Variants in DYM observed in about 807,000 individuals in gnomAD.
DYM encodes the protein dyggve-Melchior-Clausen syndrome protein.
A neutral mutation model predicts 93.1 loss-of-function variants in DYM; 78 were observed. That is an observed-to-expected ratio of 0.84 (90% CI 0.70 to 1.01). The LOEUF is 1.01. Among genes scored for constraint, DYM ranks in the 50% least tolerant of loss-of-function variants. The pLI, the probability that DYM is intolerant of heterozygous loss-of-function variation, is 0.00. For missense variants in DYM, 789 were observed against 845.0 expected (o/e 0.93, Z 0.82); for synonymous variants, 321 against 319.7 (o/e 1.00, Z -0.04).
Position 49,399,934 on chromosome 18 carries a change from C to T in DYM, c.141-8289G>A, listed in dbSNP as rs111911010. On this transcript the variant is annotated intron_variant, in intron 2 of 17. Coordinates refer to ENST00000675505, the MANE Select transcript of DYM (RefSeq NM_001353214.3). ...TTAAAAGACATTTATTTTTATTTTT[C>T]TTTTTTTTTTTTTTTTTTTTTTTTT... Among the ~76,000 whole-genome samples the T allele has an allele frequency of 1.7e-3, 111 of 66,076 alleles. 1 individual carries two copies. Among genetic ancestry groups the T allele is most frequent in the Non-Finnish European group, 1.8e-3 (67 of 36,392 alleles). 43.3% of individuals were successfully genotyped at this position (66,076 alleles called of 152,430 possible).
At chr18:49,313,493 A>AAAAAAG (rs2061735276) in intron 8 of DYM, among the ~76,000 whole-genome samples, 1 of 141,038 alleles carries the variant, frequency 7.1e-6, no homozygotes. Flanking sequence ...AAAAAAAAAA[A>AAAAAAG]AAAAGGGCTG....
At chr18:49,394,492 A>G (rs1352817292) in intron 2 of DYM, among the ~76,000 whole-genome samples, 1 of 152,100 alleles carries the variant, frequency 6.6e-6, no homozygotes, top group Non-Finnish European at 1.5e-5. Flanking sequence ...CTTTTTGCTC[A>G]AGATTGCTTT....
chr18:49,430,135 A>G, intron 2 of DYM, 120 bp downstream of exon 2: 1 of 989,074 alleles, frequency 1.0e-6, no homozygotes, highest in South Asian at 1.3e-5. Context: ...CTACTGATCT[A>G]TGTATGACAG....
intron 8 of DYM, among the ~76,000 whole-genome samples, chr18:49,289,497 T>C (rs7239447): frequency 0.025 from 3,658 of 146,750 alleles, 156 homozygotes; most frequent in African/African-American, 0.086. Flanking sequence ...AGCCCAGAAG[T>C]TGAAGACCAG....
intron 8 of DYM, among the ~76,000 whole-genome samples, chr18:49,300,246 A>C (rs1342876161): frequency 2.0e-5 from 3 of 151,774 alleles, no homozygotes; most frequent in Admixed American, 1.3e-4. Context: ...ATAAATAATA[A>C]ACTTAACGTT....
At chr18:49,313,493 A>G (rs181634583) in intron 8 of DYM, among the ~76,000 whole-genome samples, 1,758 of 141,064 alleles carry the variant, frequency 0.012, 42 homozygotes, top group African/African-American at 0.046. Context: ...AAAAAAAAAA[A>G]AAAAGGGCTG....
chr18:49,435,463 A>G (rs2080767528), intron 1 of DYM, among the ~76,000 whole-genome samples: 1 of 151,908 alleles, frequency 6.6e-6, no homozygotes, highest in Non-Finnish European at 1.5e-5. Context: ...AATGCTAAGA[A>G]AAGAGAAATC....
intron 17 of DYM, among the ~76,000 whole-genome samples, chr18:49,083,376 A>G (rs74849242): frequency 0.025 from 3,873 of 152,272 alleles, 61 homozygotes; most frequent in South Asian, 0.064. Context: ...ATGGTGTACA[A>G]TCCTTTCTGT....
chr18:49,121,647 GA>G (rs2082395322), intron 15 of DYM, among the ~76,000 whole-genome samples: 1 of 151,986 alleles, frequency 6.6e-6, no homozygotes, highest in Non-Finnish European at 1.5e-5. Flanking sequence ...AAGACAAAGA[GA>G]AAATCTTGAG....
rs558578958 is a variant in DYM, at chr18:49,274,610, A to G, written c.1126-2307T>C. ...CATATTACATTTCCACCAACAGTGTATGAGAGATTAGATTTCTCCACATCC... is the reference window on the plus strand; with the variant it reads ...CATATTACATTTCCACCAACAGTGTGTGAGAGATTAGATTTCTCCACATCC... On this transcript the variant is annotated intron_variant, in intron 10 of 17. Coordinates refer to ENST00000675505, the MANE Select transcript of DYM (RefSeq NM_001353214.3). Among the ~76,000 whole-genome samples the G allele has an allele frequency of 2.0e-5, 3 of 152,276 alleles. No homozygotes were observed. In the South Asian group the frequency reaches 6.2e-4, roughly 32 times the overall value.
At chr18:49,263,948 T>C (rs973704259) in intron 11 of DYM, among the ~76,000 whole-genome samples, 2 of 152,126 alleles carry the variant, frequency 1.3e-5, no homozygotes, top group African/African-American at 4.8e-5. Context: ...GTTTGATTGA[T>C]TAGCCTGGTA....
At chr18:49,293,652 C>G (rs903264887) in intron 8 of DYM, among the ~76,000 whole-genome samples, 9 of 152,194 alleles carry the variant, frequency 5.9e-5, no homozygotes, top group Non-Finnish European at 1.0e-4. Flanking sequence ...TATCCTCCCA[C>G]TTTTTGATGG....
Position 49,345,632 on chromosome 18 carries a change from CAAG to C in DYM, c.495-11782_495-11780del, listed in dbSNP as rs539808567. 3.3e-3 allele frequency among the ~76,000 whole-genome samples: 503 copies of C among 151,980 alleles called. 3 individuals carry two copies. Among genetic ancestry groups the C allele is most frequent in the Non-Finnish European group, 3.6e-3 (246 of 68,012 alleles). ...GCCAGTAGGGCTAGAATAGAATCTGCAAGAAGAAGAGTAGTAAGAGATGAGGTT... is the reference window on the plus strand; with the variant it reads ...GCCAGTAGGGCTAGAATAGAATCTGCAAGAAGAGTAGTAAGAGATGAGGTT... On this transcript the variant is annotated intron_variant, in intron 6 of 17. Transcript: ENST00000675505.
intron 10 of DYM, among the ~76,000 whole-genome samples, chr18:49,281,631 G>T (rs548617659): frequency 6.6e-6 from 1 of 152,160 alleles, no homozygotes; most frequent in Non-Finnish European, 1.5e-5. Flanking sequence ...CCATAAAAAA[G>T]GATGGGTTCG....
At chr18:49,260,855 G>A (rs1242658873) in intron 11 of DYM, among the ~76,000 whole-genome samples, 1 of 149,632 alleles carries the variant, frequency 6.7e-6, no homozygotes, top group Non-Finnish European at 1.5e-5. Flanking sequence ...ACCATCTCCG[G>A]GAGAAAAAAA....
chr18:49,436,575 G>A (rs1309190920), intron 1 of DYM, among the ~76,000 whole-genome samples: 3 of 152,020 alleles, frequency 2.0e-5, no homozygotes, highest in East Asian at 1.9e-4. Flanking sequence ...TTAAACAAAC[G>A]AGTAAAAAAG....
intron 3 of DYM, among the ~76,000 whole-genome samples, chr18:49,389,533 A>G (rs2147860231): frequency 6.6e-6 from 1 of 152,142 alleles, no homozygotes; most frequent in East Asian, 1.9e-4. Flanking sequence ...GTCTTGCTGT[A>G]TTGTCCAGAC....
intron 17 of DYM, among the ~76,000 whole-genome samples, chr18:49,081,519 AGGG>A (rs2078018839): frequency 8.1e-6 from 1 of 124,182 alleles, no homozygotes; most frequent in South Asian, 2.7e-4. Flanking sequence ...GGAGACCGAG[AGGG>A]AGAGGGGAGA....
chr18:49,089,819 C>T (rs185359734), intron 17 of DYM, among the ~76,000 whole-genome samples: 3 of 152,254 alleles, frequency 2.0e-5, no homozygotes, highest in African/African-American at 7.2e-5. Context: ...TAGATAACCC[C>T]AATACAGAAG....
Sources: allele counts gnomAD v4.1 joint callset (sites outside exome capture counted in the v4.1 genomes callset), GRCh38; gene constraint gnomAD v4.1.1; transcripts MANE v1.5; gene names NCBI Gene and HGNC (gene_info 2026-07-23, HGNC 2026-07-21).